The following ADSL variants were observed in gnomAD, a reference collection of about 807,000 sequenced individuals.
ADSL encodes the protein adenylosuccinate lyase.
ADSL carries 44 observed loss-of-function variants against 62.1 expected under a neutral mutation model. The observed-to-expected ratio is 0.71, with a 90% CI of 0.56 to 0.91. The LOEUF is 0.91. Among genes scored for constraint, ADSL ranks in the 40% least tolerant of loss-of-function variants. The pLI, the probability that ADSL is intolerant of heterozygous loss-of-function variation, is 0.00. For synonymous variants in ADSL, 198 were observed against 220.5 expected (o/e 0.90, Z 0.90); for missense variants, 531 against 627.4 (o/e 0.85, Z 1.64).
Position 40,364,302 on chromosome 22 carries a change from G to C in ADSL, c.1128G>C (p.Glu376Asp), listed in dbSNP as rs796052247. ...PKVIERRIRQ[E>D]LPFMATENII... ...TAATTGAACGGCGCATTCGGCAAGA[G>C]CTGCCTTTCATGGCCACAGAGAACA... The change falls in exon 11 of 13, where the codon GAG (glutamate) becomes GAC (aspartate). Residue 376 changes from glutamate to aspartate, a missense_variant. Glu to Asp is a conservative substitution (Grantham distance 45). Around this residue, in one of 2 missense-constraint regions of ADSL, gnomAD observed 471 missense variants for 592.9 expected, o/e 0.79. Coordinates refer to ENST00000623063, the MANE Select transcript of ADSL (RefSeq NM_000026.4). 1.9e-6 allele frequency: 3 copies of C among 1,613,930 alleles called. No individual in the cohort carries two copies. Among genetic ancestry groups the C allele is most frequent in the Non-Finnish European group, 2.5e-6 (3 of 1,180,042 alleles).
intron 2 of ADSL, among the ~76,000 whole-genome samples, chr22:40,386,742 A>C (rs1257176735): frequency 1.3e-5 from 2 of 151,720 alleles, no homozygotes; most frequent in African/African-American, 4.8e-5. Flanking sequence ...TTTTTCAAAA[A>C]GTATGAGAGA....
chr22:40,369,905 C>T (rs936830687), downstream of ADSL, among the ~76,000 whole-genome samples: 1 of 152,030 alleles, frequency 6.6e-6, no homozygotes, highest in Non-Finnish European at 1.5e-5. Context: ...ACCAGGAGAG[C>T]CTGATGTTTG....
At chr22:40,382,770 T>C (rs1364061601) in intron 2 of ADSL, among the ~76,000 whole-genome samples, 1 of 152,272 alleles carries the variant, frequency 6.6e-6, no homozygotes, top group East Asian at 1.9e-4. Flanking sequence ...TTTTGGAAAA[T>C]AGGATCTCCA....
downstream of ADSL, chr22:40,372,944 T>G (rs1369819786): frequency 2.6e-5 from 4 of 152,238 alleles, no homozygotes; most frequent in African/African-American, 9.7e-5. Flanking sequence ...CATGAGCTCA[T>G]GCAGACTGTC....
At chr22:40,349,781 C>A in intron 1 of ADSL, 51 bp from the exon 2 acceptor site, 1 of 1,520,846 alleles carries the variant, frequency 6.6e-7, no homozygotes, top group South Asian at 1.1e-5. Flanking sequence ...TCACTTCATT[C>A]AAATAACTGT....
At chr22:40,347,867 A>G (rs572258433) in intron 1 of ADSL, among the ~76,000 whole-genome samples, 1 of 152,304 alleles carries the variant, frequency 6.6e-6, no homozygotes, top group East Asian at 1.9e-4. Flanking sequence ...ATAGTAGTAG[A>G]CCTTAATCAT....
chr22:40,359,439 T>G, intron 6 of ADSL, 133 bp downstream of exon 6: 1 of 792,480 alleles, frequency 1.3e-6, no homozygotes, highest in African/African-American at 1.7e-5. Flanking sequence ...TTTTTTCCTG[T>G]CTCTATCCTG....
Position 40,364,998 on chromosome 22 carries a change from A to T in ADSL, c.1310A>T (p.His437Leu). The stretch of plus-strand genomic sequence containing the variant: ...GTTGATGCCTACTTCAGTCCCATTC[A>T]CTCCCAGTTGGATCATTTACTGGAT... ...IQVDAYFSPI[H>L]SQLDHLLDPS... Residue 437 changes from histidine (H) to leucine (L), a missense_variant, in exon 12 of 13, where the codon CAC becomes CTC. By Grantham distance (99) the His-to-Leu change is moderately conservative. Coordinates refer to ENST00000623063, the MANE Select transcript of ADSL (RefSeq NM_000026.4). 1 of 1,613,598 alleles carries T rather than the reference A, an allele frequency of 6.2e-7. No homozygotes were observed. The highest frequency in any genetic ancestry group is 8.5e-7 in the Non-Finnish European group (1 of 1,179,858).
At chr22:40,355,834 A>C (rs560854954) in intron 4 of ADSL, among the ~76,000 whole-genome samples, 124 of 152,222 alleles carry the variant, frequency 8.1e-4, no homozygotes, top group African/African-American at 2.8e-3. Flanking sequence ...CCTAGCTGTC[A>C]GTGTCATTAG....
rs770663865 is a variant in ADSL at position 40,354,336 on chromosome 22, T to C, written c.482+9T>C. 1.3e-5 allele frequency: 21 copies of C among 1,608,974 alleles called. No individual in the cohort carries two copies. The African/African-American group carries it at 2.7e-4, about 20-fold the overall frequency. On this transcript the variant is annotated intron_variant, in intron 4 of 12. Coordinates refer to ENST00000623063, the MANE Select transcript of ADSL (RefSeq NM_000026.4). ...GGTTTCACACATTTCCAGTAAGTGA[T>C]AAGATTACTTCTTGTTTATGTGCAT...
chr22:40,364,774 G>T lies in ADSL; in HGVS notation c.1192-106G>T, dbSNP rs534445124. 1.6e-5 allele frequency: 19 copies of T among 1,217,072 alleles called. No homozygotes were observed. In the South Asian group the frequency reaches 2.0e-4, roughly 13 times the overall value. The allele number at this position is 1,217,072 out of a possible 1,614,324, so 75.4% of individuals were successfully genotyped here. ...AACCACCTCAGCCTAGAGGGGTTTT[G>T]TGTAGAGCTGTGTAGACTGCATGGA... is the stretch of plus-strand genomic sequence containing the variant. On this transcript the variant is annotated intron_variant, in intron 11 of 12. Coordinates refer to ENST00000623063, the MANE Select transcript of ADSL (RefSeq NM_000026.4).
intron 10 of ADSL, among the ~76,000 whole-genome samples, chr22:40,363,833 G>A (rs928953616): frequency 4.0e-5 from 6 of 151,722 alleles, no homozygotes; most frequent in African/African-American, 7.3e-5. Context: ...GGTGGCTTAC[G>A]CCTGTAATCC....
intron 2 of ADSL, among the ~76,000 whole-genome samples, chr22:40,380,329 C>T (rs2047351498): frequency 1.3e-5 from 2 of 150,710 alleles, no homozygotes; most frequent in African/African-American, 4.9e-5. Context: ...ATTAATTGTA[C>T]ATTTTCTAGC....
At chr22:40,346,940 G>C (rs1046856666) in intron 1 of ADSL, among the ~76,000 whole-genome samples, 3 of 152,220 alleles carry the variant, frequency 2.0e-5, no homozygotes, top group Admixed American at 6.5e-5. Context: ...TTCGAGACGC[G>C]GAGGAGGCTG....
chr22:40,353,417 C>T, intron 3 of ADSL: 1 of 702,214 alleles, frequency 1.4e-6, no homozygotes, highest in Non-Finnish European at 2.6e-6. Flanking sequence ...CTCAGTCTCC[C>T]AAGTAGGTGG....
At chr22:40,349,754 G>GT in intron 1 of ADSL, 78 bp from the exon 2 acceptor site, 62 of 1,330,310 alleles carry the variant, frequency 4.7e-5, no homozygotes, top group Non-Finnish European at 6.4e-5. Flanking sequence ...ACATGAATCA[G>GT]TTTTTTTTCC....
intron 4 of ADSL, among the ~76,000 whole-genome samples, chr22:40,355,435 G>A (rs568283156): frequency 4.0e-4 from 61 of 152,318 alleles, no homozygotes; most frequent in Middle Eastern, 3.4e-3. Context: ...TGGGATTACA[G>A]GCGTGAGCCA....
chr22:40,348,245 T>C (rs978306268), intron 1 of ADSL, among the ~76,000 whole-genome samples: 15 of 152,228 alleles, frequency 9.9e-5, no homozygotes, highest in African/African-American at 3.6e-4. Context: ...CGTGCTGCCC[T>C]CTGCTGCTTT....
At position 40,367,585 on chromosome 22, in the gene ADSL, G is replaced by A. The variant is rs374233870; in HGVS notation, c.*1063G>A. 24 of 167,628 alleles carry A rather than the reference G, an allele frequency of 1.4e-4. No individual in the cohort carries two copies. Among genetic ancestry groups the A allele is most frequent in the African/African-American group, 4.8e-4 (20 of 41,554 alleles). The allele number at this position is 167,628 out of a possible 1,614,324, so 10.4% of individuals were successfully genotyped here. ...GCAGTCTTCCAGCTTCTGCCACTGC[G>A]CCCGACTTCCTTGTTGCATGGATTT... On this transcript the variant is annotated 3_prime_UTR_variant, in exon 13 of 13. Coordinates refer to ENST00000623063, the MANE Select transcript of ADSL (RefSeq NM_000026.4).
Sources: allele counts gnomAD v4.1 joint callset (sites outside exome capture counted in the v4.1 genomes callset), GRCh38; gene constraint gnomAD v4.1.1; regional missense constraint gnomAD v4.1.1; transcripts MANE v1.5; gene names NCBI Gene and HGNC (gene_info 2026-07-23, HGNC 2026-07-21).